SNX29: variants seen among roughly 807,000 people sequenced by gnomAD.
SNX29 encodes sorting nexin 29, also known as sorting nexin-29.
In SNX29, 78 loss-of-function variants were observed where a neutral mutation model predicts 102.1. The observed-to-expected ratio is 0.76, with a 90% CI of 0.64 to 0.92. SNX29 has a LOEUF of 0.92. SNX29 is among the 40% of genes least tolerant of loss of function. The pLI is 0.00. For missense variants in SNX29, 1,280 were observed against 1,061.7 expected (o/e 1.21, Z -2.86); for synonymous variants, 580 against 414.5 (o/e 1.40, Z -4.85).
intron 13 of SNX29, among the ~76,000 whole-genome samples, chr16:12,194,335 T>C (rs551610599): frequency 3.6e-4 from 55 of 152,246 alleles, no homozygotes; most frequent in Non-Finnish European, 7.1e-4. Context: ...TTTGACCCTG[T>C]GTTCTGTGAC....
At chr16:12,564,060 C>G (rs184771728) in intron 20 of SNX29, among the ~76,000 whole-genome samples, 3 of 152,258 alleles carry the variant, frequency 2.0e-5, no homozygotes, top group South Asian at 4.1e-4. Flanking sequence ...GGTTTGGCAA[C>G]GATGCTGTAT....
intron 16 of SNX29, among the ~76,000 whole-genome samples, chr16:12,398,084 TG>T (rs2083783596): frequency 6.6e-6 from 1 of 152,234 alleles, no homozygotes; most frequent in African/African-American, 2.4e-5. Context: ...ATGTTCATCA[TG>T]GTAACAATGG....
chr16:12,058,788 C>G (rs2050634792), intron 8 of SNX29, among the ~76,000 whole-genome samples: 1 of 144,874 alleles, frequency 6.9e-6, no homozygotes, highest in African/African-American at 2.6e-5. Flanking sequence ...GCCACAGCAC[C>G]CGGCCTGGGT....
At chr16:12,309,612 G>A (rs1456310370) in intron 15 of SNX29, among the ~76,000 whole-genome samples, 1 of 152,168 alleles carries the variant, frequency 6.6e-6, no homozygotes, top group African/African-American at 2.4e-5. Context: ...GGCACCTGTC[G>A]TCACATAGTA....
intron 8 of SNX29, among the ~76,000 whole-genome samples, chr16:12,057,966 C>T (rs959985579): frequency 2.6e-5 from 4 of 151,690 alleles, no homozygotes; most frequent in African/African-American, 9.7e-5. Context: ...TATAGGTGAC[C>T]ACCACCACTC....
chr16:12,171,319 CT>C (rs531304434), intron 13 of SNX29, among the ~76,000 whole-genome samples: 64 of 147,934 alleles, frequency 4.3e-4, no homozygotes, highest in East Asian at 1.4e-3. Flanking sequence ...AAAAGGCTTA[CT>C]TTTTTTTTTT....
intron 19 of SNX29, among the ~76,000 whole-genome samples, chr16:12,512,404 ATATATATATATATAG>A (rs1207373575): frequency 1.0e-4 from 7 of 67,804 alleles, no homozygotes; most frequent in African/African-American, 5.4e-4. Context: ...ATATATATAT[ATATATATATATATAG>A]TTTTCGGTTT....
intron 20 of SNX29, among the ~76,000 whole-genome samples, chr16:12,566,626 A>G (rs77793002): frequency 0.014 from 2,146 of 152,312 alleles, 52 homozygotes; most frequent in African/African-American, 0.048. Flanking sequence ...CACTGCAAGC[A>G]AAGACCTCCT....
At chr16:12,173,474 G>A (rs1953368584) in intron 13 of SNX29, among the ~76,000 whole-genome samples, 1 of 152,214 alleles carries the variant, frequency 6.6e-6, no homozygotes, top group African/African-American at 2.4e-5. Context: ...GGTTTGGCCT[G>A]TGGGCTCTAG....
At chr16:12,318,947 G>A (rs892398172) in intron 15 of SNX29, among the ~76,000 whole-genome samples, 2 of 152,098 alleles carry the variant, frequency 1.3e-5, no homozygotes, top group African/African-American at 2.4e-5. Flanking sequence ...AGGTGTGGGC[G>A]TGATTACCCT....
intron 11 of SNX29, among the ~76,000 whole-genome samples, chr16:12,084,693 G>A (rs965219687): frequency 2.6e-5 from 4 of 152,162 alleles, no homozygotes; most frequent in African/African-American, 7.2e-5. Flanking sequence ...TCAAGATAGA[G>A]TGACAGGATC....
intron 15 of SNX29, among the ~76,000 whole-genome samples, chr16:12,345,019 G>A (rs1465493756): frequency 6.6e-6 from 1 of 152,214 alleles, no homozygotes; most frequent in Non-Finnish European, 1.5e-5. Flanking sequence ...CATATGCTAC[G>A]TTTAAGGAAA....
At chr16:12,185,092 C>G (rs996810530) in intron 13 of SNX29, among the ~76,000 whole-genome samples, 1 of 152,202 alleles carries the variant, frequency 6.6e-6, no homozygotes, top group Non-Finnish European at 1.5e-5. Context: ...ATACCATGTT[C>G]TTGCTTTGGT....
intron 16 of SNX29, among the ~76,000 whole-genome samples, chr16:12,391,589 T>G (rs964026045): frequency 1.3e-5 from 2 of 152,210 alleles, no homozygotes; most frequent in Non-Finnish European, 2.9e-5. Context: ...CTGTACTTTA[T>G]CATCTGTTTT....
chr16:12,220,832 T>C (rs1224591728), intron 14 of SNX29, among the ~76,000 whole-genome samples: 1 of 152,202 alleles, frequency 6.6e-6, no homozygotes, highest in Non-Finnish European at 1.5e-5. Flanking sequence ...TAAAAACATA[T>C]TCTTAGGCTG....
chr16:12,547,549 G>C (rs1473524847), intron 20 of SNX29, among the ~76,000 whole-genome samples: 1 of 152,096 alleles, frequency 6.6e-6, no homozygotes, highest in East Asian at 1.9e-4. Context: ...ACAGAGTCCT[G>C]AGCTGTGGTT....
Position 12,098,022 on chromosome 16 carries a change from C to T in SNX29, c.1402+19107C>T, listed in dbSNP as rs1208390744. ...ATGAAGGGCTCACGTCCTGGCTTTG[C>T]CATTTACTTTGTCCGTTTCCTTATT... On this transcript the variant is annotated intron_variant, in intron 11 of 20. Transcript: ENST00000566228. This position sits in a 1 kb window ranked among gnomAD's most constrained non-coding sequence, Gnocchi z 6.0. Among the ~76,000 whole-genome samples, 1 of 152,208 alleles carries T rather than the reference C, an allele frequency of 6.6e-6. No homozygotes were observed. Among genetic ancestry groups the T allele is most frequent in the East Asian group, 1.9e-4 (1 of 5,198 alleles).
At chr16:12,534,326 C>T (rs571398279) in intron 20 of SNX29, among the ~76,000 whole-genome samples, 8 of 152,234 alleles carry the variant, frequency 5.3e-5, no homozygotes, top group Non-Finnish European at 2.9e-5. Flanking sequence ...CCTCTGTGCC[C>T]AGCCAAATGT....
At chr16:12,528,864 C>G (rs541753116) in intron 20 of SNX29, among the ~76,000 whole-genome samples, 1 of 152,224 alleles carries the variant, frequency 6.6e-6, no homozygotes, top group Non-Finnish European at 1.5e-5. Context: ...GGTTTGGGAA[C>G]TGAGAAGGTG....
Sources: gnomAD v4.1 joint callset for allele counts (sites outside exome capture counted in the v4.1 genomes callset) on GRCh38, gnomAD v4.1.1 for gene constraint, Gnocchi (gnomAD v3.1) non-coding constraint, MANE v1.5 for transcripts, NCBI Gene and HGNC (gene_info 2026-07-23, HGNC 2026-07-21) for gene names.